GNA12: variants seen among roughly 807,000 people sequenced by gnomAD.
GNA12 encodes G protein subunit alpha 12, also known as guanine nucleotide-binding protein subunit alpha-12.
Under a neutral mutation model 26.0 loss-of-function variants are expected in GNA12, and 9 were observed. The observed-to-expected ratio is 0.35, with a 90% CI of 0.21 to 0.60. GNA12 has a LOEUF of 0.60. Among genes scored for constraint, GNA12 ranks in the 20% least tolerant of loss-of-function variants. The pLI is 0.78. For missense variants in GNA12, 405 were observed against 525.8 expected, an observed-to-expected ratio of 0.77 and a Z score of 2.25; for synonymous variants, 264 against 219.6, an observed-to-expected ratio of 1.20 and a Z score of -1.79.
At chr7:2,796,358 CCTT>C (rs1255093468) in intron 1 of GNA12, among the ~76,000 whole-genome samples, 2 of 152,194 alleles carry the variant, frequency 1.3e-5, no homozygotes, top group South Asian at 2.1e-4. Context: ...TATGGTCTCT[CCTT>C]CTGTCTCTCA....
intron 2 of GNA12, among the ~76,000 whole-genome samples, chr7:2,772,344 G>A (rs930515376): frequency 2.0e-5 from 3 of 152,132 alleles, no homozygotes; most frequent in African/African-American, 7.2e-5. Context: ...GGCGGATCAC[G>A]AGGTCAGGAG....
intron 1 of GNA12, among the ~76,000 whole-genome samples, chr7:2,802,441 C>T (rs142230150): frequency 2.6e-3 from 395 of 151,556 alleles, no homozygotes; most frequent in African/African-American, 9.0e-3. Context: ...AGACCAAAAA[C>T]TGCAAATCCT....
Position 2,731,016 on chromosome 7 carries a change from C to T in GNA12, c.*165G>A. 1 of 565,800 alleles carries T rather than the reference C, an allele frequency of 1.8e-6. No individual in the cohort carries two copies. The highest frequency in any genetic ancestry group is 3.2e-6 in the Non-Finnish European group (1 of 317,014). 35.0% of individuals were successfully genotyped at this position (565,800 alleles called of 1,614,324 possible). Reference sequence around the variant, plus strand: ...ACGTGACAGTTTCCATGTCCTTTTGCCTAGAGCTCGCTGGCTGGCTGGTCT... The same window carrying T: ...ACGTGACAGTTTCCATGTCCTTTTGTCTAGAGCTCGCTGGCTGGCTGGTCT... On this transcript the variant is annotated 3_prime_UTR_variant, in exon 4 of 4. Transcript: ENST00000275364. This position sits in a 1 kb window ranked among gnomAD's most constrained non-coding sequence, Gnocchi z 6.0.
chr7:2,817,404 C>T (rs1371867990), intron 1 of GNA12, among the ~76,000 whole-genome samples: 2 of 152,210 alleles, frequency 1.3e-5, no homozygotes, highest in African/African-American at 4.8e-5. Flanking sequence ...TGAGCCACCA[C>T]ACCCGGCCCA....
At chr7:2,761,508 AGG>A (rs1791554114) in intron 2 of GNA12, among the ~76,000 whole-genome samples, 1 of 152,266 alleles carries the variant, frequency 6.6e-6, no homozygotes, top group Non-Finnish European at 1.5e-5. Context: ...GATGCAATTC[AGG>A]ATGACTAAAA....
chr7:2,778,729 T>C (rs1443991452), intron 2 of GNA12, among the ~76,000 whole-genome samples: 4 of 152,332 alleles, frequency 2.6e-5, no homozygotes, highest in African/African-American at 9.6e-5. Context: ...TCAGAGTCAG[T>C]CTAAAAGGAG....
intron 1 of GNA12, among the ~76,000 whole-genome samples, chr7:2,806,331 T>C (rs1178660605): frequency 6.6e-6 from 1 of 151,704 alleles, no homozygotes; most frequent in African/African-American, 2.4e-5. Context: ...ACACAAAAAT[T>C]AGTTGGGTGT....
At chr7:2,828,147 CA>C (rs889216337) in intron 1 of GNA12, among the ~76,000 whole-genome samples, 1 of 152,098 alleles carries the variant, frequency 6.6e-6, no homozygotes, top group South Asian at 2.1e-4. Flanking sequence ...TTCAAGATTA[CA>C]AAAATTGTAA....
chr7:2,814,288 G>A, intron 1 of GNA12: 1 of 1,218,614 alleles, frequency 8.2e-7, no homozygotes, highest in East Asian at 2.3e-5. Context: ...CTGTGGCCGA[G>A]GAGTTGAACG....
chr7:2,746,929 T>A (rs1476060764), intron 2 of GNA12, among the ~76,000 whole-genome samples: 1 of 152,162 alleles, frequency 6.6e-6, no homozygotes, highest in Non-Finnish European at 1.5e-5. Context: ...AAGAAATGGA[T>A]AAATTCCTCG....
Position 2,797,517 on chromosome 7 carries a change from G to T in GNA12, c.310-2374C>A, listed in dbSNP as rs78351515. On this transcript the variant is annotated intron_variant, in intron 1 of 3. Coordinates refer to ENST00000275364, the MANE Select transcript of GNA12 (RefSeq NM_007353.3). ...CATGTACCATATAACTCATCAATTT[G>T]AAGTGTACAACTTAATGATTTTTAG... Among the ~76,000 whole-genome samples the T allele has an allele frequency of 9.9e-3, 1,469 of 148,912 alleles. 10 individuals are homozygous for T. Among genetic ancestry groups the T allele is most frequent in the Middle Eastern group, 0.075 (22 of 292 alleles).
chr7:2,767,797 T>C (rs1366652982), intron 2 of GNA12, among the ~76,000 whole-genome samples: 3 of 152,256 alleles, frequency 2.0e-5, no homozygotes, highest in Non-Finnish European at 4.4e-5. Flanking sequence ...AATCTGAGAA[T>C]ATTTCTACAA....
chr7:2,740,937 C>T, intron 2 of GNA12, among the ~76,000 whole-genome samples: 1 of 152,090 alleles, frequency 6.6e-6, no homozygotes, highest in East Asian at 1.9e-4. Flanking sequence ...CCCAGCTACT[C>T]AGGAAGCTAA....
chr7:2,824,431 C>T (rs917857940), intron 1 of GNA12, among the ~76,000 whole-genome samples: 1 of 152,170 alleles, frequency 6.6e-6, no homozygotes, highest in East Asian at 1.9e-4. Flanking sequence ...GGGGTGCTCT[C>T]CCCATCACCT....
intron 1 of GNA12, among the ~76,000 whole-genome samples, chr7:2,813,972 G>A (rs1262757322): frequency 2.6e-5 from 4 of 152,140 alleles, no homozygotes; most frequent in East Asian, 1.9e-4. Flanking sequence ...TAGATCAGAC[G>A]GCAGAGGGAG....
At chr7:2,765,685 C>T (rs1013895077) in intron 2 of GNA12, among the ~76,000 whole-genome samples, 3 of 151,420 alleles carry the variant, frequency 2.0e-5, no homozygotes, top group East Asian at 2.0e-4. Context: ...GGCTGGAGTG[C>T]GATGGCATGA....
intron 2 of GNA12, among the ~76,000 whole-genome samples, chr7:2,793,781 G>A (rs1370172013): frequency 1.3e-5 from 2 of 151,364 alleles, no homozygotes; most frequent in African/African-American, 2.4e-5. Context: ...TACTCGGGAG[G>A]CTGAGGTGGG....
chr7:2,823,259 G>A (rs1311502384), intron 1 of GNA12, among the ~76,000 whole-genome samples: 5 of 152,062 alleles, frequency 3.3e-5, no homozygotes, highest in African/African-American at 9.7e-5. Context: ...AAGGGACCCC[G>A]CCTTCCCCAG....
At chr7:2,775,116 G>T (rs1246979382) in intron 2 of GNA12, among the ~76,000 whole-genome samples, 1 of 152,198 alleles carries the variant, frequency 6.6e-6, no homozygotes, top group East Asian at 1.9e-4. Flanking sequence ...TACATGCACA[G>T]AGTACCAAAT....
Sources: allele counts gnomAD v4.1 joint callset (sites outside exome capture counted in the v4.1 genomes callset), GRCh38; gene constraint gnomAD v4.1.1; non-coding constraint Gnocchi (gnomAD v3.1); transcripts MANE v1.5; gene names NCBI Gene and HGNC (gene_info 2026-07-23, HGNC 2026-07-21).